Variants in PRDM16 observed in about 807,000 individuals in gnomAD.
PRDM16 encodes PR/SET domain 16.
A neutral mutation model predicts 110.6 loss-of-function variants in PRDM16; 23 were observed. The ratio of observed to expected loss-of-function variants is 0.21; its 90% CI spans 0.15 to 0.29. The LOEUF (loss-of-function observed/expected upper bound fraction) is 0.29. PRDM16 is among the 10% of genes least tolerant of loss of function. The pLI is 1.00. For missense variants in PRDM16, 1,615 were observed against 1,794.3 expected (o/e 0.90, Z 1.81); for synonymous variants, 799 against 781.8 (o/e 1.02, Z -0.37).
At chr1:3,099,042 A>C (rs1339494304) in intron 1 of PRDM16, among the ~76,000 whole-genome samples, 1 of 152,212 alleles carries the variant, frequency 6.6e-6, no homozygotes, top group East Asian at 1.9e-4. Flanking sequence ...ATCAAGCCCC[A>C]TCGAGGGGAC....
At chr1:3,227,463 T>C (rs967544282) in intron 2 of PRDM16, among the ~76,000 whole-genome samples, 4 of 152,320 alleles carry the variant, frequency 2.6e-5, no homozygotes, top group Admixed American at 1.3e-4. Flanking sequence ...GGTAAAAAGA[T>C]TGCGGTGTCT....
At chr1:3,168,478 G>C (rs1436587012) in intron 1 of PRDM16, among the ~76,000 whole-genome samples, 4 of 150,782 alleles carry the variant, frequency 2.7e-5, no homozygotes, top group Non-Finnish European at 5.9e-5. Context: ...GTTGAGACTT[G>C]TAAATTAGTT....
intron 3 of PRDM16, among the ~76,000 whole-genome samples, chr1:3,271,625 G>A (rs1640458762): frequency 6.6e-6 from 1 of 152,144 alleles, no homozygotes; most frequent in African/African-American, 2.4e-5. Context: ...TAGTCCAGGG[G>A]CCCTGGCAGA....
At chr1:3,321,240 G>A (rs1049030187) in intron 3 of PRDM16, among the ~76,000 whole-genome samples, 5 of 152,048 alleles carry the variant, frequency 3.3e-5, no homozygotes, top group African/African-American at 1.2e-4. Flanking sequence ...GCACACACGC[G>A]TGGGGGTAAA....
At chr1:3,133,413 C>T (rs1258203896) in intron 1 of PRDM16, among the ~76,000 whole-genome samples, 3 of 152,220 alleles carry the variant, frequency 2.0e-5, no homozygotes, top group Admixed American at 6.5e-5. Flanking sequence ...CCATGGGGCT[C>T]GGCCTCCCGA....
intron 1 of PRDM16, among the ~76,000 whole-genome samples, chr1:3,073,324 C>A (rs1641812626): frequency 6.6e-6 from 1 of 152,214 alleles, no homozygotes; most frequent in Non-Finnish European, 1.5e-5. Flanking sequence ...ATTAGGGATC[C>A]TTGGGGGGCT....
At chr1:3,428,677 C>T (rs1462072034) in intron 14 of PRDM16, among the ~76,000 whole-genome samples, 2 of 152,204 alleles carry the variant, frequency 1.3e-5, no homozygotes, top group Non-Finnish European at 2.9e-5. Flanking sequence ...TCCTGCCCTC[C>T]GCCATCAGGA....
At chr1:3,427,154 A>G (rs763289625) in intron 14 of PRDM16, among the ~76,000 whole-genome samples, 12 of 152,224 alleles carry the variant, frequency 7.9e-5, no homozygotes, top group Non-Finnish European at 1.6e-4. Context: ...GGATCCAGGA[A>G]TGTCGGCGCA....
chr1:3,393,984 G>A (rs971096148), intron 4 of PRDM16, among the ~76,000 whole-genome samples: 1 of 152,174 alleles, frequency 6.6e-6, no homozygotes, highest in Non-Finnish European at 1.5e-5. Flanking sequence ...CCGCGGCCCG[G>A]CGCGCTAGAC....
rs143231016 is a variant in PRDM16, at chr1:3,080,929, AGT to A, written c.37+11644_37+11645del. 6.7e-6 allele frequency among the ~76,000 whole-genome samples: 1 copy of A among 150,130 alleles called. No individual in the cohort carries two copies. Among genetic ancestry groups the A allele is most frequent in the African/African-American group, 2.4e-5 (1 of 40,996 alleles). On this transcript the variant is annotated intron_variant, in intron 1 of 16. Coordinates refer to ENST00000270722, the MANE Select transcript of PRDM16 (RefSeq NM_022114.4). This position sits in a 1 kb window ranked among gnomAD's most constrained non-coding sequence, Gnocchi z 5.2. Reference sequence around the variant, plus strand: ...TTCCCGGAGAGCTTGTGTGCCTGAGAGTGTGTGTGTGTAGAGGGGGTGGCGGG... The same window carrying A: ...TTCCCGGAGAGCTTGTGTGCCTGAGAGTGTGTGTGTAGAGGGGGTGGCGGG...
intron 3 of PRDM16, among the ~76,000 whole-genome samples, chr1:3,286,852 T>G (rs1026715470): frequency 6.6e-6 from 1 of 151,990 alleles, no homozygotes. Context: ...GACTCAAAGC[T>G]GGGTCTGCCC....
At chr1:3,373,799 C>T (rs1036648802) in intron 3 of PRDM16, among the ~76,000 whole-genome samples, 2 of 152,228 alleles carry the variant, frequency 1.3e-5, no homozygotes, top group African/African-American at 2.4e-5. Context: ...CCAGCCAACG[C>T]GTGCTGCCCT....
chr1:3,269,079 C>T (rs1469512263), intron 3 of PRDM16, among the ~76,000 whole-genome samples: 1 of 143,874 alleles, frequency 7.0e-6, no homozygotes, highest in Non-Finnish European at 1.5e-5. Context: ...AGGTGGGGAA[C>T]AGAAGACAGG....
intron 1 of PRDM16, among the ~76,000 whole-genome samples, chr1:3,098,919 C>G (rs976402801): frequency 6.6e-6 from 1 of 152,208 alleles, no homozygotes; most frequent in Non-Finnish European, 1.5e-5. Flanking sequence ...ACCAAGGACC[C>G]GGCAAATGCT....
Position 3,081,148 on chromosome 1 carries a change from T to G in PRDM16, c.37+11852T>G, listed in dbSNP as rs1456574628. 6.6e-6 allele frequency among the ~76,000 whole-genome samples: 1 copy of G among 152,192 alleles called. No individual in the cohort carries two copies. The highest frequency in any genetic ancestry group is 6.5e-5 in the Admixed American group (1 of 15,284). On this transcript the variant is annotated intron_variant, in intron 1 of 16. Transcript: ENST00000270722. This position sits in a 1 kb window ranked among gnomAD's most constrained non-coding sequence, Gnocchi z 4.6. The stretch of plus-strand genomic sequence containing the variant: ...TTAACTTTCCCTCCGTCGAAGGTGT[T>G]AGTCTTACCTTCCCGAGGTTAGATA...
In PRDM16 at chr1:3,286,942, C is replaced by T. The variant is rs964502327; in HGVS notation, c.438+42805C>T. 2.0e-5 allele frequency among the ~76,000 whole-genome samples: 3 copies of T among 149,774 alleles called. No homozygotes were observed. In the East Asian group the frequency reaches 5.9e-4, roughly 29 times the overall value. On this transcript the variant is annotated intron_variant, in intron 3 of 16. Coordinates refer to ENST00000270722, the MANE Select transcript of PRDM16 (RefSeq NM_022114.4). ...TGGGACTCAAAGCTGGGTCTGCCCA[C>T]CCTTCCTGGGTGCTGGGACTCAAAG...
chr1:3,285,086 G>C (rs1041057280), intron 3 of PRDM16, among the ~76,000 whole-genome samples: 4 of 152,156 alleles, frequency 2.6e-5, no homozygotes, highest in African/African-American at 9.7e-5. Context: ...GCACTCTCTG[G>C]CCCCCCCAAG....
At chr1:3,071,662 G>A (rs941835162) in intron 1 of PRDM16, among the ~76,000 whole-genome samples, 6 of 152,210 alleles carry the variant, frequency 3.9e-5, no homozygotes, top group Admixed American at 1.3e-4. Flanking sequence ...TCCATTACCC[G>A]AGTCAGAGGC....
rs548444362 is a variant in PRDM16, at chr1:3,354,418, C to G, written c.439-30734C>G. On this transcript the variant is annotated intron_variant, in intron 3 of 16. Coordinates refer to ENST00000270722, the MANE Select transcript of PRDM16 (RefSeq NM_022114.4). ...GAGGTTTCAGTGAGCCGAGATTGCA[C>G]CACTGCACTCCAGCCTGGGTGACAG... Among the ~76,000 whole-genome samples, 70 of 150,756 alleles carry G rather than the reference C, an allele frequency of 4.6e-4. No individual in the cohort carries two copies. The South Asian group carries it at 0.014, about 31-fold the overall frequency.
Sources: gnomAD v4.1 joint callset for allele counts (sites outside exome capture counted in the v4.1 genomes callset) on GRCh38, gnomAD v4.1.1 for gene constraint, Gnocchi (gnomAD v3.1) non-coding constraint, MANE v1.5 for transcripts, NCBI Gene and HGNC (gene_info 2026-07-23, HGNC 2026-07-21) for gene names.